The following PHACTR1 variants were observed in gnomAD, a reference collection of about 807,000 sequenced individuals.
PHACTR1 encodes the protein phosphatase and actin regulator 1, also known as RPEL repeat containing 1.
In PHACTR1, 16 loss-of-function variants were observed where a neutral mutation model predicts 69.2. That is an observed-to-expected ratio of 0.23 (90% confidence interval 0.16 to 0.35). PHACTR1 has a LOEUF of 0.35. Among genes scored for constraint, PHACTR1 ranks in the 10% least tolerant of loss-of-function variants. PHACTR1 has a pLI of 1.00. For synonymous variants in PHACTR1, 312 were observed against 284.5 expected, an observed-to-expected ratio of 1.10 and a Z score of -0.97; for missense variants, 510 against 734.7, an observed-to-expected ratio of 0.69 and a Z score of 3.54.
chr6:12,989,404 C>T (rs1349827793), intron 4 of PHACTR1, among the ~76,000 whole-genome samples: 1 of 152,162 alleles, frequency 6.6e-6, no homozygotes, highest in African/African-American at 2.4e-5. Context: ...AGAAAGTTAT[C>T]ATCAGGAGGT....
intron 4 of PHACTR1, among the ~76,000 whole-genome samples, chr6:13,012,321 G>A (rs1180588499): frequency 3.3e-5 from 5 of 152,246 alleles, no homozygotes; most frequent in South Asian, 2.1e-4. Context: ...GCAACTGTAT[G>A]TGTAGAATTC....
At chr6:13,027,503 G>T (rs1003170562) in intron 4 of PHACTR1, among the ~76,000 whole-genome samples, 1 of 152,080 alleles carries the variant, frequency 6.6e-6, no homozygotes, top group African/African-American at 2.4e-5. Flanking sequence ...TCAAGTTAAG[G>T]GGGCTATGTT....
chr6:13,102,314 A>G lies in PHACTR1; in HGVS notation c.415+48785A>G, dbSNP rs529633035. Among the ~76,000 whole-genome samples the G allele has an allele frequency of 6.6e-5, 10 of 150,864 alleles. No individual in the cohort carries two copies. In the South Asian group the frequency reaches 1.9e-3, roughly 29 times the overall value. Reference sequence around the variant, plus strand: ...CAAGTTGTCCTGGAGACTCATTAAAACCCCTCTCTTTGGCTCGGAGTAAGG... The same window carrying G: ...CAAGTTGTCCTGGAGACTCATTAAAGCCCCTCTCTTTGGCTCGGAGTAAGG... On this transcript the variant is annotated intron_variant, in intron 5 of 14. Coordinates refer to ENST00000332995, the MANE Select transcript of PHACTR1 (RefSeq NM_030948.6).
At chr6:13,174,461 ATTC>A (rs1385791175) in intron 6 of PHACTR1, among the ~76,000 whole-genome samples, 3 of 152,248 alleles carry the variant, frequency 2.0e-5, no homozygotes, top group Non-Finnish European at 1.5e-5. Context: ...AGTGTAGTTA[ATTC>A]TTCTTATGAT....
At chr6:13,062,779 T>C (rs1260508135) in intron 5 of PHACTR1, among the ~76,000 whole-genome samples, 1 of 152,192 alleles carries the variant, frequency 6.6e-6, no homozygotes, top group Non-Finnish European at 1.5e-5. Flanking sequence ...GACATCTTTG[T>C]AGTGTGGGAT....
At chr6:13,101,776 A>G (rs1349667737) in intron 5 of PHACTR1, among the ~76,000 whole-genome samples, 2 of 152,160 alleles carry the variant, frequency 1.3e-5, no homozygotes, top group Non-Finnish European at 2.9e-5. Flanking sequence ...TGAAAAGACA[A>G]AGAGGAGCTT....
At chr6:13,212,582 G>A (rs144746892) in intron 8 of PHACTR1, among the ~76,000 whole-genome samples, 28 of 152,208 alleles carry the variant, frequency 1.8e-4, no homozygotes, top group African/African-American at 6.0e-4. Context: ...TGGTTTGAGC[G>A]TCTCTTCTCC....
At chr6:12,968,383 TG>T (rs552607478) in intron 4 of PHACTR1, among the ~76,000 whole-genome samples, 20 of 152,316 alleles carry the variant, frequency 1.3e-4, no homozygotes, top group Non-Finnish European at 2.1e-4. Flanking sequence ...TTTTTTTTCA[TG>T]GCAAAATATG....
chr6:13,021,261 T>G (rs1056715650), intron 4 of PHACTR1, among the ~76,000 whole-genome samples: 2 of 152,244 alleles, frequency 1.3e-5, no homozygotes, highest in African/African-American at 2.4e-5. Context: ...ATGCAATATA[T>G]GGTACCTTAT....
chr6:12,744,328 C>A (rs573248072), intron 3 of PHACTR1, among the ~76,000 whole-genome samples: 2 of 152,120 alleles, frequency 1.3e-5, no homozygotes, highest in African/African-American at 4.8e-5. Flanking sequence ...CTTATGCAAA[C>A]AAGTATATTG....
intron 7 of PHACTR1, among the ~76,000 whole-genome samples, chr6:13,191,215 G>A (rs9369915): frequency 0.35 from 52,339 of 147,452 alleles, 9,670 homozygotes; most frequent in East Asian, 0.62. Context: ...ACCACTGTGA[G>A]CTTGGACTTT....
chr6:12,725,497 T>C (rs1244390758), intron 3 of PHACTR1, among the ~76,000 whole-genome samples: 1 of 152,204 alleles, frequency 6.6e-6, no homozygotes, highest in Non-Finnish European at 1.5e-5. Flanking sequence ...CTACAGCCAT[T>C]GTCATCATCT....
intron 4 of PHACTR1, among the ~76,000 whole-genome samples, chr6:12,774,951 G>C (rs969914658): frequency 6.6e-6 from 1 of 152,218 alleles, no homozygotes; most frequent in South Asian, 2.1e-4. Context: ...AACATGGCTA[G>C]AACTGAGGGA....
At chr6:13,254,460 A>G (rs1774910961) in intron 10 of PHACTR1, among the ~76,000 whole-genome samples, 1 of 152,218 alleles carries the variant, frequency 6.6e-6, no homozygotes, top group Non-Finnish European at 1.5e-5. Flanking sequence ...TCTGATTGCC[A>G]TTATCTGTCA....
At chr6:12,958,450 T>C (rs1404413683) in intron 4 of PHACTR1, among the ~76,000 whole-genome samples, 1 of 152,134 alleles carries the variant, frequency 6.6e-6, no homozygotes, top group African/African-American at 2.4e-5. Context: ...AATTTGTGGC[T>C]GAAGAAAAAG....
chr6:12,772,937 T>A (rs1289518427), intron 4 of PHACTR1, among the ~76,000 whole-genome samples: 1 of 152,214 alleles, frequency 6.6e-6, no homozygotes, highest in African/African-American at 2.4e-5. Flanking sequence ...TATTTTCAAC[T>A]CCCATTTTTA....
At chr6:13,067,390 A>G (rs6909931) in intron 5 of PHACTR1, among the ~76,000 whole-genome samples, 5,544 of 152,302 alleles carry the variant, frequency 0.036, 330 homozygotes, top group African/African-American at 0.12. Context: ...CAGATGCTTT[A>G]AAACATAATT....
At chr6:13,112,729 GT>G (rs1243177367) in intron 5 of PHACTR1, among the ~76,000 whole-genome samples, 3 of 151,836 alleles carry the variant, frequency 2.0e-5, no homozygotes, top group Middle Eastern at 3.2e-3. Context: ...AGGTTGTTTT[GT>G]TTTTTTCTTG....
chr6:13,020,542 AG>A (rs901270804), intron 4 of PHACTR1, among the ~76,000 whole-genome samples: 1 of 152,178 alleles, frequency 6.6e-6, no homozygotes, highest in Admixed American at 6.5e-5. Flanking sequence ...ATGTAGGACA[AG>A]ATGGTACTTG....
Sources: allele counts gnomAD v4.1 joint callset (sites outside exome capture counted in the v4.1 genomes callset), GRCh38; gene constraint gnomAD v4.1.1; transcripts MANE v1.5; gene names NCBI Gene and HGNC (gene_info 2026-07-23, HGNC 2026-07-21).